The following CPNE1 variants were observed in gnomAD, a reference collection of about 807,000 sequenced individuals.
CPNE1 encodes the protein copine-1.
A neutral mutation model predicts 63.2 loss-of-function variants in CPNE1; 58 were observed. The ratio of observed to expected loss-of-function variants is 0.92; its 90% CI spans 0.74 to 1.14. CPNE1 has a LOEUF of 1.14. CPNE1 is among the 50% of genes most tolerant of loss of function. CPNE1 has a pLI of 0.00. For synonymous variants in CPNE1, 237 were observed against 249.0 expected (o/e 0.95, Z 0.45); for missense variants, 672 against 661.7 (o/e 1.02, Z -0.17).
In CPNE1 at chr20:35,632,437, T is replaced by C. The variant is rs748269100; in HGVS notation, c.310-52A>G. 9.3e-6 allele frequency: 15 copies of C among 1,606,764 alleles called. No individual in the cohort carries two copies. In the Admixed American group the frequency reaches 1.8e-4, roughly 20 times the overall value. ...CAGGATAACAGGCAGGGTTAGGTCC[T>C]GCTTGCCCCCTACCTCCAGGCAGGC... On this transcript the variant is annotated intron_variant, in intron 3 of 15. Coordinates refer to ENST00000397443, the MANE Select transcript of CPNE1 (RefSeq NM_152925.3).
chr20:35,656,640 T>C (rs982050955), intron 1 of CPNE1, among the ~76,000 whole-genome samples: 1 of 152,188 alleles, frequency 6.6e-6, no homozygotes, highest in Non-Finnish European at 1.5e-5. Flanking sequence ...GTTCAAGTAA[T>C]TCTCCTGCCT....
At chr20:35,655,798 A>C (rs1019930720) in intron 1 of CPNE1, among the ~76,000 whole-genome samples, 10 of 152,244 alleles carry the variant, frequency 6.6e-5, no homozygotes, top group Non-Finnish European at 1.0e-4. Context: ...TCATAGAATT[A>C]TCAAGAGTGT....
chr20:35,629,727 T>C (rs529926936), intron 13 of CPNE1, among the ~76,000 whole-genome samples: 4 of 151,850 alleles, frequency 2.6e-5, no homozygotes, highest in Admixed American at 2.0e-4. Flanking sequence ...ATCATGATCA[T>C]GGCTCACCAC....
rs1344542111 is a variant in CPNE1, at chr20:35,653,169, C to T, written c.-1+11591G>A. 3 of 1,613,530 alleles carry T rather than the reference C, an allele frequency of 1.9e-6. No individual in the cohort carries two copies. The South Asian group carries it at 3.3e-5, about 18-fold the overall frequency. On this transcript the variant is annotated intron_variant, in intron 1 of 15. Coordinates refer to ENST00000397443, the MANE Select transcript of CPNE1 (RefSeq NM_152925.3). ...AATTACCAGGAAAGTTAAATGGAGGCCCATTATTGGCTTCCTTTGATCCTA... is the reference window on the plus strand; with the variant it reads ...AATTACCAGGAAAGTTAAATGGAGGTCCATTATTGGCTTCCTTTGATCCTA...
At chr20:35,651,314 A>G (rs1024517060) in intron 1 of CPNE1, 1 of 152,166 alleles carries the variant, frequency 6.6e-6, no homozygotes, top group Admixed American at 6.5e-5. Context: ...ATACCAAAGA[A>G]AAGAGTATGA....
In CPNE1 at chr20:35,631,523, T is replaced by C. The variant is rs1215731018; in HGVS notation, c.683A>G (p.His228Arg). 6.2e-7 allele frequency: 1 copy of C among 1,614,004 alleles called. No individual in the cohort carries two copies. Among genetic ancestry groups the C allele is most frequent in the Admixed American group, 1.7e-5 (1 of 60,016 alleles). ...DGSHDLIGTF[H>R]TSLAQLQAVP... ...TGCCTGCAGCTGGGCCAAGCTGGTG[T>C]GGAAGGTACCGATGAGATCATGTGA... Residue 228 changes from histidine to arginine, a missense_variant, in exon 8 of 16, where the codon CAC becomes CGC. Transcript: ENST00000397443.
chr20:35,635,386 T>G (rs182863842), intron 1 of CPNE1, among the ~76,000 whole-genome samples: 1 of 152,202 alleles, frequency 6.6e-6, no homozygotes, highest in Admixed American at 6.5e-5. Context: ...ACAATACATA[T>G]TTGCAGAATG....
intron 1 of CPNE1, chr20:35,654,920 T>G: frequency 6.2e-7 from 1 of 1,614,158 alleles, no homozygotes; most frequent in Non-Finnish European, 8.5e-7. Context: ...GTGGTGGCAG[T>G]AACTACACTG....
intron 1 of CPNE1, among the ~76,000 whole-genome samples, chr20:35,644,933 ATG>A (rs928331489): frequency 6.6e-6 from 1 of 152,242 alleles, no homozygotes; most frequent in Non-Finnish European, 1.5e-5. Context: ...CCTCTAAAAA[ATG>A]TGATCTGTAT....
chr20:35,635,193 C>T (rs2032419101), intron 1 of CPNE1, among the ~76,000 whole-genome samples: 1 of 152,020 alleles, frequency 6.6e-6, no homozygotes, highest in South Asian at 2.1e-4. Flanking sequence ...TATATAAAGG[C>T]TCTCCCTTTT....
intron 1 of CPNE1, among the ~76,000 whole-genome samples, chr20:35,663,478 A>G (rs1381815202): frequency 1.3e-5 from 2 of 152,168 alleles, no homozygotes; most frequent in African/African-American, 4.8e-5. Flanking sequence ...ACAAACCTTC[A>G]GTTGCCATCA....
chr20:35,659,855 T>C (rs2034132299), intron 1 of CPNE1, among the ~76,000 whole-genome samples: 2 of 151,950 alleles, frequency 1.3e-5, no homozygotes, highest in Non-Finnish European at 2.9e-5. Flanking sequence ...TTGCTTTTTA[T>C]TTTTTTTCAA....
intron 1 of CPNE1, among the ~76,000 whole-genome samples, chr20:35,648,118 T>C (rs1039806751): frequency 2.0e-5 from 3 of 152,024 alleles, no homozygotes; most frequent in Non-Finnish European, 4.4e-5. Context: ...TTGCTTATGT[T>C]GTTGAATAGA....
intron 12 of CPNE1, 102 bp downstream of exon 12, chr20:35,630,639 C>T (rs752100578): frequency 1.3e-6 from 2 of 1,487,518 alleles, no homozygotes; most frequent in Non-Finnish European, 1.9e-6. Flanking sequence ...CCCTGCATCT[C>T]CTCTTAAAGC....
At chr20:35,643,527 G>A (rs982979244) in intron 1 of CPNE1, 8 of 152,346 alleles carry the variant, frequency 5.3e-5, no homozygotes, top group African/African-American at 1.7e-4. Context: ...TGGATCACCT[G>A]AGGTCAGGAG....
At chr20:35,656,449 T>A (rs1428147666) in intron 1 of CPNE1, among the ~76,000 whole-genome samples, 1 of 152,196 alleles carries the variant, frequency 6.6e-6, no homozygotes, top group Non-Finnish European at 1.5e-5. Flanking sequence ...CAAACCGAAT[T>A]ATTGGGCCTG....
chr20:35,646,936 C>G (rs1184705235), intron 1 of CPNE1, among the ~76,000 whole-genome samples: 1 of 152,166 alleles, frequency 6.6e-6, no homozygotes, highest in Non-Finnish European at 1.5e-5. Context: ...GGAGCCAATT[C>G]CAATGCTCAG....
At position 35,631,958 on chromosome 20, in the gene CPNE1, A is replaced by G; in HGVS notation, c.524T>C (p.Val175Ala). The G allele has an allele frequency of 6.2e-7, 1 of 1,613,874 alleles. No homozygotes were observed. Among genetic ancestry groups the G allele is most frequent in the South Asian group, 1.1e-5 (1 of 91,062 alleles). The change falls in exon 6 of 16, where the codon GTG becomes GCG. Residue 175 changes from valine (V) to alanine (A), a missense_variant. By Grantham distance (64) the Val-to-Ala change is moderately conservative (BLOSUM62 0). Coordinates refer to ENST00000397443, the MANE Select transcript of CPNE1 (RefSeq NM_152925.3). ...GGGGTCTCATACCTCAGATCTGTAC[A>G]CCAGGTGCCATTTCCCATCACCCTG... ...FRQGDGKWHLVYRSEVIKNNL... is the reference protein window; with the variant it reads ...FRQGDGKWHLAYRSEVIKNNL...
intron 13 of CPNE1, among the ~76,000 whole-genome samples, chr20:35,628,857 G>A (rs2031936388): frequency 6.6e-6 from 1 of 152,216 alleles, no homozygotes; most frequent in Admixed American, 6.5e-5. Context: ...GTAAGAAAGA[G>A]TCTTTGATTT....
Sources: allele counts gnomAD v4.1 joint callset (sites outside exome capture counted in the v4.1 genomes callset), GRCh38; gene constraint gnomAD v4.1.1; transcripts MANE v1.5; gene names NCBI Gene and HGNC (gene_info 2026-07-23, HGNC 2026-07-21).